TMEM38B: variants seen among roughly 807,000 people sequenced by gnomAD.
TMEM38B encodes the protein trimeric intracellular cation channel type B.
Under a neutral mutation model 28.7 loss-of-function variants are expected in TMEM38B, and 24 were observed. The observed-to-expected ratio is 0.84, with a 90% CI of 0.61 to 1.18. The LOEUF is 1.18. TMEM38B is among the 50% of genes most tolerant of loss of function. TMEM38B has a pLI of 0.00. For synonymous variants in TMEM38B, 131 were observed against 127.7 expected (o/e 1.03, Z -0.17); for missense variants, 380 against 350.9 (o/e 1.08, Z -0.66).
chr9:105,749,680 T>A (rs1252823027), intron 5 of TMEM38B, among the ~76,000 whole-genome samples: 3 of 152,220 alleles, frequency 2.0e-5, no homozygotes, highest in African/African-American at 7.2e-5. Flanking sequence ...TTTTTATCAC[T>A]CCAAAAAGAA....
chr9:105,730,384 G>A (rs1287840405), intron 4 of TMEM38B, among the ~76,000 whole-genome samples: 5 of 152,220 alleles, frequency 3.3e-5, no homozygotes, highest in South Asian at 2.1e-4. Flanking sequence ...ATTGATTTGC[G>A]TATGTTGAAC....
chr9:105,698,200 A>G (rs1432335146), intron 1 of TMEM38B, among the ~76,000 whole-genome samples: 4 of 151,766 alleles, frequency 2.6e-5, no homozygotes, highest in Non-Finnish European at 5.9e-5. Context: ...GCTTGTAGCC[A>G]AGAACCCGGG....
chr9:105,721,732 C>A lies in TMEM38B; in HGVS notation c.454+11C>A. On this transcript the variant is annotated intron_variant, in intron 3 of 5. Transcript: ENST00000374692. ...TTGGATGGGCCCGAGGTAATATTGACAATATGTGTTCATAAATATTCTGTT... is the reference window on the plus strand; with the variant it reads ...TTGGATGGGCCCGAGGTAATATTGAAAATATGTGTTCATAAATATTCTGTT... 6.3e-7 allele frequency: 1 copy of A among 1,588,450 alleles called. No homozygotes were observed. The highest frequency in any genetic ancestry group is 1.1e-5 in the South Asian group (1 of 87,558).
At chr9:105,746,131 G>A (rs1837382891) in intron 4 of TMEM38B, among the ~76,000 whole-genome samples, 1 of 152,194 alleles carries the variant, frequency 6.6e-6, no homozygotes, top group East Asian at 1.9e-4. Context: ...GTCATTGGTA[G>A]CTTGATGGGG....
Position 105,694,615 on chromosome 9 carries a change from GA to G in TMEM38B, c.-44del. 6.5e-7 allele frequency: 1 copy of G among 1,544,780 alleles called. No individual in the cohort carries two copies. Among genetic ancestry groups the G allele is most frequent in the Non-Finnish European group, 8.9e-7 (1 of 1,118,576 alleles). On this transcript the variant is annotated 5_prime_UTR_variant, in exon 1 of 6. Coordinates refer to ENST00000374692, the MANE Select transcript of TMEM38B (RefSeq NM_018112.3). ...CTACTCCTCACCGCGCGAGCGCGGG[GA>G]ACCAGTAGCCGCGGCTGCTTCGGTT... is the stretch of plus-strand genomic sequence containing the variant.
chr9:105,705,717 C>T lies in TMEM38B; in HGVS notation c.233C>T (p.Ala78Val). The T allele has an allele frequency of 6.2e-7, 1 of 1,613,788 alleles. No homozygotes were observed. Residue 78 changes from alanine to valine, a missense_variant, in exon 2 of 6, where the codon GCA becomes GTA. Coordinates refer to ENST00000374692, the MANE Select transcript of TMEM38B (RefSeq NM_018112.3). ...GCAGAGCCTCCATTGAAGTTTCTTG[C>T]AAACCACACTAACATATTACTGGCA... ...LLAEPPLKFL[A>V]NHTNILLASS...
intron 1 of TMEM38B, among the ~76,000 whole-genome samples, 165 bp from the exon 2 acceptor site, chr9:105,705,432 G>C (rs1002711871): frequency 6.6e-6 from 1 of 152,182 alleles, no homozygotes; most frequent in South Asian, 2.1e-4. Flanking sequence ...TTGCTTTAAA[G>C]AATAAAAGGT....
chr9:105,695,632 T>C (rs1383686856), intron 1 of TMEM38B, among the ~76,000 whole-genome samples: 1 of 152,226 alleles, frequency 6.6e-6, no homozygotes, highest in Non-Finnish European at 1.5e-5. Context: ...TCTTCTTTCT[T>C]TGAGGTCAGA....
chr9:105,758,699 C>A, intron 5 of TMEM38B: 1 of 746,238 alleles, frequency 1.3e-6, no homozygotes. Flanking sequence ...TGAGAAAAAA[C>A]AACATAGAGA....
At chr9:105,721,008 A>G (rs1235071744) in intron 2 of TMEM38B, among the ~76,000 whole-genome samples, 1 of 152,158 alleles carries the variant, frequency 6.6e-6, no homozygotes, top group African/African-American at 2.4e-5. Flanking sequence ...CTTAATACAA[A>G]TCTGCCTCCT....
chr9:105,754,293 A>G (rs1760206849), intron 5 of TMEM38B, among the ~76,000 whole-genome samples: 2 of 152,188 alleles, frequency 1.3e-5, no homozygotes, highest in Non-Finnish European at 1.5e-5. Flanking sequence ...GAGCTGATAG[A>G]TATCTACGGA....
Position 105,701,118 on chromosome 9 carries a change from T to G in TMEM38B, c.113-4479T>G, listed in dbSNP as rs1835448557. The G allele has an allele frequency of 4.6e-5, 7 of 152,290 alleles. No individual in the cohort carries two copies. In the South Asian group the frequency reaches 1.5e-3, roughly 32 times the overall value. The allele number at this position is 152,290 out of a possible 1,614,324, so 9.4% of individuals were successfully genotyped here. ...TCTGGAACTGAACTCTGTGATAATG[T>G]AGTATTTACTTTTTGCCTTTTCAAT... is the stretch of plus-strand genomic sequence containing the variant. On this transcript the variant is annotated intron_variant, in intron 1 of 5. Transcript: ENST00000374692.
intron 5 of TMEM38B, among the ~76,000 whole-genome samples, chr9:105,769,554 C>T (rs1826480102): frequency 6.6e-6 from 1 of 152,074 alleles, no homozygotes; most frequent in Admixed American, 6.6e-5. Flanking sequence ...ACTCAAGCAA[C>T]CTTCCCGCAA....
chr9:105,710,113 A>G (rs1835847501), intron 2 of TMEM38B, among the ~76,000 whole-genome samples: 1 of 152,208 alleles, frequency 6.6e-6, no homozygotes, highest in Non-Finnish European at 1.5e-5. Context: ...AGTTTTCGAT[A>G]ACATTCTTTT....
At position 105,759,457 on chromosome 9, in the gene TMEM38B, C is replaced by A. The variant is rs568840876; in HGVS notation, c.660+11267C>A. 262 of 1,566,096 alleles carry A rather than the reference C, an allele frequency of 1.7e-4. 2 individuals are homozygous for A. The African/African-American group carries it at 3.2e-3, about 19-fold the overall frequency. On this transcript the variant is annotated intron_variant, in intron 5 of 5. Coordinates refer to ENST00000374692, the MANE Select transcript of TMEM38B (RefSeq NM_018112.3). ...AGAAAGATGTGCTAAGAAAATGCAG[C>A]TAGTTAATTTAAGAAACAGAGGAGT... is the stretch of plus-strand genomic sequence containing the variant.
At chr9:105,738,280 G>T (rs1418564103) in intron 4 of TMEM38B, among the ~76,000 whole-genome samples, 2 of 152,016 alleles carry the variant, frequency 1.3e-5, no homozygotes, top group Non-Finnish European at 2.9e-5. Flanking sequence ...GGTTGTTGGG[G>T]TTCTTTTGTT....
At chr9:105,706,090 GGTT>G (rs1835652617) in intron 2 of TMEM38B, among the ~76,000 whole-genome samples, 1 of 152,040 alleles carries the variant, frequency 6.6e-6, no homozygotes. Context: ...GTAGAGACGG[GGTT>G]TCACCATGTT....
intron 5 of TMEM38B, chr9:105,758,442 T>A (rs1441946480): frequency 7.2e-7 from 1 of 1,388,524 alleles, no homozygotes; most frequent in Non-Finnish European, 1.0e-6. Context: ...CTTTAAAAAA[T>A]ATGGCAGTTG....
chr9:105,696,416 G>A (rs1346497902), intron 1 of TMEM38B, among the ~76,000 whole-genome samples: 6 of 152,162 alleles, frequency 3.9e-5, no homozygotes. Context: ...AGCCTCCGGA[G>A]TAGCTGGGAG....
Sources: allele counts gnomAD v4.1 joint callset (sites outside exome capture counted in the v4.1 genomes callset), GRCh38; gene constraint gnomAD v4.1.1; transcripts MANE v1.5; gene names NCBI Gene and HGNC (gene_info 2026-07-23, HGNC 2026-07-21).